VAV3: variants seen among roughly 807,000 people sequenced by gnomAD.
VAV3 encodes vav guanine nucleotide exchange factor 3, also known as guanine nucleotide exchange factor VAV3.
A neutral mutation model predicts 131.2 loss-of-function variants in VAV3; 94 were observed. That is an observed-to-expected ratio of 0.72 (90% CI 0.61 to 0.85). The LOEUF (loss-of-function observed/expected upper bound fraction) is 0.85. Ranked by LOEUF, VAV3 falls within the 40% of genes least tolerant of loss-of-function variation. VAV3 has a pLI of 0.00. For synonymous variants in VAV3, 349 were observed against 342.0 expected (o/e 1.02, Z -0.22); for missense variants, 939 against 1,002.7 (o/e 0.94, Z 0.86).
chr1:107,782,100 C>T (rs1351560998), intron 2 of VAV3, among the ~76,000 whole-genome samples: 1 of 152,088 alleles, frequency 6.6e-6, no homozygotes, highest in Non-Finnish European at 1.5e-5. Context: ...AAATCTGCCT[C>T]TGATTCTACT....
intron 19 of VAV3, among the ~76,000 whole-genome samples, chr1:107,661,360 G>A (rs910610009): frequency 6.6e-6 from 1 of 152,156 alleles, no homozygotes; most frequent in Non-Finnish European, 1.5e-5. Context: ...CACTTCCACA[G>A]TGCAAGGCTA....
chr1:107,819,701 A>C (rs370801613), intron 2 of VAV3, among the ~76,000 whole-genome samples: 18 of 152,280 alleles, frequency 1.2e-4, no homozygotes, highest in Non-Finnish European at 1.9e-4. Flanking sequence ...TGCCTTTAAA[A>C]ATATATACAC....
intron 2 of VAV3, among the ~76,000 whole-genome samples, chr1:107,847,486 C>G (rs751248382): frequency 1.3e-5 from 2 of 152,048 alleles, no homozygotes; most frequent in Admixed American, 6.5e-5. Context: ...AATCCAGGAG[C>G]TGGTTTTTTG....
Position 107,573,491 on chromosome 1 carries a change from T to C in VAV3, c.2503-119A>G, listed in dbSNP as rs1558058104. Reference sequence around the variant, plus strand: ...CAATTAAACTGGGGTTTTATGTCCATTGTAGGTGAGAAGATTGGTTTAACT... The same window carrying C: ...CAATTAAACTGGGGTTTTATGTCCACTGTAGGTGAGAAGATTGGTTTAACT... On this transcript the variant is annotated intron_variant, in intron 26 of 26. Transcript: ENST00000370056. 4.2e-6 allele frequency: 5 copies of C among 1,178,530 alleles called. No individual in the cohort carries two copies. In the East Asian group the frequency reaches 7.5e-5, roughly 18 times the overall value. The allele number at this position is 1,178,530 out of a possible 1,614,324, so 73.0% of individuals were successfully genotyped here.
chr1:107,712,178 G>A (rs924318490), intron 15 of VAV3, among the ~76,000 whole-genome samples: 4 of 152,082 alleles, frequency 2.6e-5, no homozygotes, highest in African/African-American at 9.7e-5. Context: ...CTTGACAAAT[G>A]ATTATAAAAT....
chr1:107,746,369 A>G (rs1663344073), intron 15 of VAV3, among the ~76,000 whole-genome samples: 1 of 152,216 alleles, frequency 6.6e-6, no homozygotes, highest in Non-Finnish European at 1.5e-5. Flanking sequence ...ATCTGCATAG[A>G]CATTCAACGG....
chr1:107,683,726 T>C (rs1218236896), intron 18 of VAV3, among the ~76,000 whole-genome samples, 193 bp from the exon 19 acceptor site: 2 of 152,216 alleles, frequency 1.3e-5, no homozygotes, highest in Non-Finnish European at 2.9e-5. Flanking sequence ...TCCACGTGTA[T>C]ATCATTACAC....
chr1:107,916,652 TA>T (rs886896642), intron 1 of VAV3, among the ~76,000 whole-genome samples: 3 of 152,198 alleles, frequency 2.0e-5, no homozygotes, highest in Non-Finnish European at 2.9e-5. Context: ...TGATTCCCTG[TA>T]AAATAAATAC....
chr1:107,759,603 T>G (rs1664304615), intron 10 of VAV3, among the ~76,000 whole-genome samples: 1 of 152,100 alleles, frequency 6.6e-6, no homozygotes, highest in Non-Finnish European at 1.5e-5. Context: ...AATAAAACTT[T>G]CCCTATTTTA....
intron 2 of VAV3, among the ~76,000 whole-genome samples, chr1:107,841,876 T>A (rs952300821): frequency 6.6e-6 from 1 of 152,172 alleles, no homozygotes; most frequent in Admixed American, 6.5e-5. Context: ...CATGTTTAAA[T>A]GATAATTGGG....
chr1:107,764,326 C>T (rs983070889), intron 9 of VAV3, among the ~76,000 whole-genome samples: 4 of 152,116 alleles, frequency 2.6e-5, no homozygotes, highest in African/African-American at 4.8e-5. Flanking sequence ...TCAAATGCGC[C>T]TCTTCAGATG....
At chr1:107,575,167 A>T (rs1009801154) in intron 25 of VAV3, among the ~76,000 whole-genome samples, 1 of 152,018 alleles carries the variant, frequency 6.6e-6, no homozygotes. Context: ...TAACTTCTCT[A>T]CCTGTTGCTC....
chr1:107,714,438 G>C (rs1235820706), intron 15 of VAV3, among the ~76,000 whole-genome samples: 2 of 152,054 alleles, frequency 1.3e-5, no homozygotes, highest in Admixed American at 1.3e-4. Flanking sequence ...TATACCTAAA[G>C]TTAGACTTTC....
chr1:107,818,335 T>C (rs1284731359), intron 2 of VAV3, among the ~76,000 whole-genome samples: 1 of 152,082 alleles, frequency 6.6e-6, no homozygotes, highest in Admixed American at 6.5e-5. Context: ...ATATATTCTC[T>C]ATACGTTTAG....
At chr1:107,809,340 T>G (rs1667209430) in intron 2 of VAV3, among the ~76,000 whole-genome samples, 1 of 152,106 alleles carries the variant, frequency 6.6e-6, no homozygotes, top group Non-Finnish European at 1.5e-5. Flanking sequence ...AATAAAATAT[T>G]TAACATGTTC....
intron 1 of VAV3, among the ~76,000 whole-genome samples, chr1:107,912,962 C>A (rs751726899): frequency 6.6e-6 from 1 of 152,190 alleles, no homozygotes; most frequent in Non-Finnish European, 1.5e-5. Context: ...GTCAACATGC[C>A]TATTTCTCGT....
chr1:107,716,551 T>C (rs936439656), intron 15 of VAV3, among the ~76,000 whole-genome samples: 6 of 152,256 alleles, frequency 3.9e-5, no homozygotes, highest in Non-Finnish European at 7.3e-5. Flanking sequence ...CATTTGCATA[T>C]GTTGAACCAG....
chr1:107,737,622 C>T (rs1228149359), intron 15 of VAV3, among the ~76,000 whole-genome samples: 8 of 152,166 alleles, frequency 5.3e-5, no homozygotes, highest in South Asian at 2.1e-4. Context: ...CATCACTGGC[C>T]GTCAGAGAAA....
intron 2 of VAV3, among the ~76,000 whole-genome samples, chr1:107,796,330 C>A (rs1666543499): frequency 6.6e-6 from 1 of 152,102 alleles, no homozygotes; most frequent in Non-Finnish European, 1.5e-5. Context: ...ACCAAGCTGC[C>A]CGGCTTCCAA....
Sources: gnomAD v4.1 joint callset for allele counts (sites outside exome capture counted in the v4.1 genomes callset) on GRCh38, gnomAD v4.1.1 for gene constraint, MANE v1.5 for transcripts, NCBI Gene and HGNC (gene_info 2026-07-23, HGNC 2026-07-21) for gene names.